The following APPL2 variants were observed in gnomAD, a reference collection of about 807,000 sequenced individuals.
The protein encoded by APPL2 is DCC-interacting protein 13-beta.
In APPL2, 84 loss-of-function variants were observed where a neutral mutation model predicts 92.7. The ratio of observed to expected loss-of-function variants is 0.91; its 90% CI spans 0.76 to 1.09. The LOEUF is 1.09. Ranked by LOEUF, APPL2 falls within the 50% of genes least tolerant of loss-of-function variation. The pLI, the probability that APPL2 is intolerant of heterozygous loss-of-function variation, is 0.00. For missense variants in APPL2, 736 were observed against 824.5 expected (o/e 0.89, Z 1.31); for synonymous variants, 291 against 291.0 (o/e 1.00, Z 0.00).
At chr12:105,218,018 G>A (rs912684674) in intron 2 of APPL2, among the ~76,000 whole-genome samples, 2 of 152,094 alleles carry the variant, frequency 1.3e-5, no homozygotes, top group African/African-American at 2.4e-5. Flanking sequence ...TAAGATGGGA[G>A]GACCCCTTAA....
At position 105,173,792 on chromosome 12, in the gene APPL2, T is replaced by C. The variant is rs1178016288; in HGVS notation, c.*522A>G. 1.3e-5 allele frequency: 2 copies of C among 152,442 alleles called. No homozygotes were observed. Among genetic ancestry groups the C allele is most frequent in the Admixed American group, 1.3e-4 (2 of 15,266 alleles). 9.4% of individuals were successfully genotyped at this position (152,442 alleles called of 1,614,324 possible). ...TAGTGCTTGGGCCTCAAAGCAGTGC[T>C]CATCACCTAACTGCACAAAGAAATG... On this transcript the variant is annotated 3_prime_UTR_variant, in exon 21 of 21. Transcript: ENST00000258530.
chr12:105,175,012 T>C (rs1305323611), intron 20 of APPL2, among the ~76,000 whole-genome samples: 1 of 152,102 alleles, frequency 6.6e-6, no homozygotes, highest in Non-Finnish European at 1.5e-5. Context: ...GTCTCCCGAG[T>C]AGCTGGGACT....
intron 9 of APPL2, 106 bp from the exon 10 acceptor site, chr12:105,199,637 C>A (rs1887975979): frequency 1.6e-6 from 2 of 1,272,264 alleles, no homozygotes; most frequent in Non-Finnish European, 2.2e-6. Flanking sequence ...TCCGGCCTTA[C>A]AGATGGAGCT....
Position 105,199,390 on chromosome 12 carries a change from ACCAG to A in APPL2, c.842_845del (p.Ala281ValfsTer40). 4 of 1,613,162 alleles carry A rather than the reference ACCAG, an allele frequency of 2.5e-6. No homozygotes were observed. The highest frequency in any genetic ancestry group is 3.4e-6 in the Non-Finnish European group (4 of 1,179,578). On this transcript the variant is annotated frameshift_variant, in exon 10 of 21. Coordinates refer to ENST00000258530, the MANE Select transcript of APPL2 (RefSeq NM_018171.5). LOFTEE classifies it high-confidence loss of function. The stretch of plus-strand genomic sequence containing the variant: ...GTTCTCACTTTCTAAGATTAAGGTA[ACCAG>A]CCTTCTGGATGAGGTTCCTGTTGAT...
intron 1 of APPL2, chr12:105,233,098 G>A: frequency 1.0e-6 from 1 of 985,434 alleles, no homozygotes. Context: ...TACAGGACAA[G>A]AGAATAAGCC....
intron 9 of APPL2, among the ~76,000 whole-genome samples, chr12:105,200,860 G>GTATC (rs1317631288): frequency 6.9e-4 from 78 of 112,558 alleles, no homozygotes; most frequent in African/African-American, 1.3e-3. Context: ...ATGTATGTAT[G>GTATC]TATGTATCTA....
chr12:105,220,103 A>G (rs1889985123), intron 2 of APPL2, among the ~76,000 whole-genome samples: 3 of 152,228 alleles, frequency 2.0e-5, no homozygotes, highest in African/African-American at 7.2e-5. Flanking sequence ...GCAAGGATAC[A>G]CGGCTGATGA....
rs79951915 is a variant in APPL2, at chr12:105,188,206, G to T, written c.1634+67C>A. 1,148 of 1,537,700 alleles carry T rather than the reference G, an allele frequency of 7.5e-4. 7 individuals are homozygous for T. In the African/African-American group the frequency reaches 0.014, roughly 19 times the overall value. ...ATTCCAGTACTAACATTTCAGATGG[G>T]TGCATTAGCCTTAAAAGGGGAATTA... On this transcript the variant is annotated intron_variant, in intron 17 of 20. Coordinates refer to ENST00000258530, the MANE Select transcript of APPL2 (RefSeq NM_018171.5).
intron 4 of APPL2, among the ~76,000 whole-genome samples, chr12:105,214,251 A>G (rs574368223): frequency 6.6e-6 from 1 of 152,292 alleles, no homozygotes; most frequent in East Asian, 1.9e-4. Context: ...TACTAAAACA[A>G]TCATCATTCC....
chr12:105,222,022 G>A lies in APPL2; in HGVS notation c.154-4297C>T, dbSNP rs569425541. On this transcript the variant is annotated intron_variant, in intron 2 of 20. Coordinates refer to ENST00000258530, the MANE Select transcript of APPL2 (RefSeq NM_018171.5). ...ATCGATCTATACCAACTATTTGGCT[G>A]GAGATGTTGCCTAGTCACATTCAGT... 2.6e-5 allele frequency among the ~76,000 whole-genome samples: 4 copies of A among 152,332 alleles called. No individual in the cohort carries two copies. In the East Asian group the frequency reaches 7.7e-4, roughly 29 times the overall value.
intron 1 of APPL2, among the ~76,000 whole-genome samples, chr12:105,231,857 T>G (rs950926638): frequency 6.6e-6 from 1 of 152,208 alleles, no homozygotes; most frequent in Non-Finnish European, 1.5e-5. Context: ...ACCAGCTACC[T>G]TGGACACTGG....
intron 4 of APPL2, among the ~76,000 whole-genome samples, chr12:105,211,861 C>T (rs1889251575): frequency 6.6e-6 from 1 of 152,202 alleles, no homozygotes; most frequent in Admixed American, 6.5e-5. Context: ...TAGCTCACGC[C>T]TGTAATCCCA....
intron 1 of APPL2, among the ~76,000 whole-genome samples, chr12:105,231,868 C>T (rs1890945573): frequency 6.6e-6 from 1 of 152,234 alleles, no homozygotes; most frequent in African/African-American, 2.4e-5. Context: ...TGGACACTGG[C>T]TATCCTCATT....
At chr12:105,209,311 T>G (rs1010506804) in intron 5 of APPL2, among the ~76,000 whole-genome samples, 29 of 152,104 alleles carry the variant, frequency 1.9e-4, no homozygotes, top group African/African-American at 7.0e-4. Flanking sequence ...TACTTCAAAG[T>G]GAGGTCCTGA....
At chr12:105,193,106 G>A (rs1467416324) in intron 14 of APPL2, among the ~76,000 whole-genome samples, 2 of 150,130 alleles carry the variant, frequency 1.3e-5, no homozygotes, top group African/African-American at 2.5e-5. Context: ...CAGCTGGCTG[G>A]CTAGAGTCAT....
intron 5 of APPL2, 21 bp downstream of exon 5, chr12:105,211,209 C>T (rs753038731): frequency 2.7e-5 from 40 of 1,492,072 alleles, no homozygotes; most frequent in Non-Finnish European, 3.6e-5. Context: ...AGGTAACTGG[C>T]ATTGAACTCA....
At chr12:105,232,994 G>A in intron 1 of APPL2, 2 of 726,588 alleles carry the variant, frequency 2.8e-6, no homozygotes, top group Non-Finnish European at 3.4e-6. Context: ...TTATTTCTTT[G>A]TTCCGTTATG....
intron 17 of APPL2, among the ~76,000 whole-genome samples, chr12:105,180,007 T>C (rs1470825379): frequency 6.6e-6 from 1 of 152,260 alleles, no homozygotes; most frequent in Non-Finnish European, 1.5e-5. Flanking sequence ...TTGGCTTTTG[T>C]TGCCATTGCT....
At position 105,190,083 on chromosome 12, in the gene APPL2, A is replaced by G; in HGVS notation, c.1314T>C (p.Pro438=). ...KIVPKATASL[P]EAEELIAPGT... Reference sequence around the variant, plus strand: ...CAGGCGCGATCAGCTCCTCTGCTTCAGGTAGACTGGCTGTTGCTTTGGGAA... The same window carrying G: ...CAGGCGCGATCAGCTCCTCTGCTTCGGGTAGACTGGCTGTTGCTTTGGGAA... Residue 438 remains proline (P), a synonymous_variant, in exon 15 of 21, where the codon CCT becomes CCC. Transcript: ENST00000258530. 1 of 1,614,214 alleles carries G rather than the reference A, an allele frequency of 6.2e-7. No homozygotes were observed. The highest frequency in any genetic ancestry group is 8.5e-7 in the Non-Finnish European group (1 of 1,180,028).
Sources: allele counts gnomAD v4.1 joint callset (sites outside exome capture counted in the v4.1 genomes callset), GRCh38; gene constraint gnomAD v4.1.1; transcripts MANE v1.5; gene names NCBI Gene and HGNC (gene_info 2026-07-23, HGNC 2026-07-21).